The following GALNT2 variants were observed in gnomAD, a reference collection of about 807,000 sequenced individuals.
The protein encoded by GALNT2 is UDP-GalNAc:polypeptide N-acetylgalactosaminyltransferase 2.
Under a neutral mutation model 81.4 loss-of-function variants are expected in GALNT2, and 31 were observed. The ratio of observed to expected loss-of-function variants is 0.38; its 90% CI spans 0.29 to 0.51. GALNT2 has a LOEUF of 0.51. Ranked by LOEUF, GALNT2 falls within the 20% of genes least tolerant of loss-of-function variation. GALNT2 has a pLI of 0.87. For synonymous variants in GALNT2, 303 were observed against 287.4 expected (o/e 1.05, Z -0.55); for missense variants, 629 against 765.7 (o/e 0.82, Z 2.11).
At chr1:230,088,936 C>T (rs1659977294) in intron 1 of GALNT2, among the ~76,000 whole-genome samples, 1 of 152,144 alleles carries the variant, frequency 6.6e-6, no homozygotes, top group Non-Finnish European at 1.5e-5. Context: ...CTGGCAACCA[C>T]TAGTGTACTT....
intron 1 of GALNT2, among the ~76,000 whole-genome samples, chr1:230,096,159 G>A (rs926426299): frequency 6.6e-6 from 1 of 152,126 alleles, no homozygotes; most frequent in African/African-American, 2.4e-5. Context: ...TTGAGAGGAC[G>A]CATACCTCAG....
intron 1 of GALNT2, among the ~76,000 whole-genome samples, chr1:230,148,922 G>A (rs1173792863): frequency 2.0e-5 from 3 of 150,362 alleles, no homozygotes; most frequent in Admixed American, 1.3e-4. Flanking sequence ...ACAGGGCCTC[G>A]CCCTGTCACC....
rs1286017829 is a variant in GALNT2 at position 230,271,835 on chromosome 1, C to T, written c.1441-2610C>T. Among the ~76,000 whole-genome samples the T allele has an allele frequency of 5.9e-5, 9 of 152,200 alleles. No individual in the cohort carries two copies. Among genetic ancestry groups the T allele is most frequent in the Non-Finnish European group, 8.8e-5 (6 of 68,020 alleles). ...ACATCCCGGAGTGCAAGGACTTTGA[C>T]GGAGGCCTCATCACATGGGCATGAT... On this transcript the variant is annotated intron_variant, in intron 14 of 15. Coordinates refer to ENST00000366672, the MANE Select transcript of GALNT2 (RefSeq NM_004481.5). The surrounding 1 kb of genome is among the most constrained non-coding windows in gnomAD (Gnocchi z 4.2).
In GALNT2 at chr1:230,279,422, G is replaced by C. The variant is rs748324953; in HGVS notation, c.1680G>C (p.Ser560=). The change falls in exon 16 of 16, where the codon TCG becomes TCC. Residue 560 remains serine, a synonymous_variant. Transcript: ENST00000366672. The surrounding 1 kb of genome is among the most constrained non-coding windows in gnomAD (Gnocchi z 4.6). ...LSVEVCGPAL[S]QQWKFTLNLQ... ...TGGAGGTGTGTGGCCCGGCCCTTTC[G>C]CAGCAGTGGAAGTTCACGCTCAACC... 17 of 1,613,972 alleles carry C rather than the reference G, an allele frequency of 1.1e-5. No homozygotes were observed. The Admixed American group carries it at 2.5e-4, about 24-fold the overall frequency.
At chr1:230,226,240 T>C (rs771013364) in intron 3 of GALNT2, among the ~76,000 whole-genome samples, 18 of 152,104 alleles carry the variant, frequency 1.2e-4, no homozygotes, top group Non-Finnish European at 2.2e-4. Context: ...CCCTTTTCTT[T>C]CCCTTGAAAT....
intron 13 of GALNT2, 89 bp downstream of exon 13, chr1:230,263,094 G>C: frequency 9.0e-7 from 1 of 1,108,512 alleles, no homozygotes; most frequent in South Asian, 1.3e-5. Context: ...TGGAGGTGGG[G>C]CTGCAGGCAT....
chr1:230,135,149 G>A (rs1369736880), intron 1 of GALNT2, among the ~76,000 whole-genome samples: 4 of 151,940 alleles, frequency 2.6e-5, no homozygotes, highest in Non-Finnish European at 4.4e-5. Context: ...CAGAGATGTC[G>A]GAACAGGAAA....
chr1:230,232,674 G>A (rs1475135038), intron 3 of GALNT2, among the ~76,000 whole-genome samples: 1 of 152,202 alleles, frequency 6.6e-6, no homozygotes, highest in East Asian at 1.9e-4. Context: ...TATTTCATTA[G>A]CATTACAGAT....
At position 230,280,193 on chromosome 1, in the gene GALNT2, C is replaced by T. The variant is rs1223946186; in HGVS notation, c.*735C>T. The T allele has an allele frequency of 2.8e-6, 1 of 360,068 alleles. No homozygotes were observed. The highest frequency in any genetic ancestry group is 3.5e-5 in the Admixed American group (1 of 28,800). The allele number at this position is 360,068 out of a possible 1,614,324, so 22.3% of individuals were successfully genotyped here. On this transcript the variant is annotated 3_prime_UTR_variant, in exon 16 of 16. Coordinates refer to ENST00000366672, the MANE Select transcript of GALNT2 (RefSeq NM_004481.5). ...CCAGAGCCCGGTGGGGCCAGTTTCT[C>T]ACAGAGGGAGGAGGTGGCCTTTGTC... is the stretch of plus-strand genomic sequence containing the variant.
At chr1:230,262,797 G>A (rs1232621287) in intron 12 of GALNT2, 125 bp from the exon 13 acceptor site, 1 of 1,286,560 alleles carries the variant, frequency 7.8e-7, no homozygotes, top group Non-Finnish European at 1.1e-6. Flanking sequence ...GGGCACAGGA[G>A]CATGGGCAGT....
At chr1:230,274,850 A>G (rs1041777629) in intron 15 of GALNT2, among the ~76,000 whole-genome samples, 2 of 152,018 alleles carry the variant, frequency 1.3e-5, no homozygotes, top group Non-Finnish European at 2.9e-5. Flanking sequence ...TTCTATTTCA[A>G]TTTACAAAAA....
At chr1:230,137,924 T>C (rs1030078953) in intron 1 of GALNT2, among the ~76,000 whole-genome samples, 2 of 152,254 alleles carry the variant, frequency 1.3e-5, no homozygotes, top group Admixed American at 1.3e-4. Flanking sequence ...TATTATCGTT[T>C]CCTAGGTTCT....
At chr1:230,083,590 C>A (rs1008340084) in intron 1 of GALNT2, among the ~76,000 whole-genome samples, 1 of 152,096 alleles carries the variant, frequency 6.6e-6, no homozygotes, top group Non-Finnish European at 1.5e-5. Context: ...CACCTGCAGC[C>A]CCCTGATGCT....
chr1:230,081,435 C>G (rs549728377), intron 1 of GALNT2, among the ~76,000 whole-genome samples: 3 of 152,144 alleles, frequency 2.0e-5, no homozygotes, highest in South Asian at 4.2e-4. Context: ...TTTTAATACT[C>G]TTATTGGCAA....
At chr1:230,092,288 T>C (rs1277205740) in intron 1 of GALNT2, among the ~76,000 whole-genome samples, 1 of 150,296 alleles carries the variant, frequency 6.7e-6, no homozygotes, top group African/African-American at 2.4e-5. Flanking sequence ...CAGACTTGAG[T>C]TCTTTCCTGG....
chr1:230,059,803 A>G (rs910852645), intron 1 of GALNT2, among the ~76,000 whole-genome samples: 3 of 152,100 alleles, frequency 2.0e-5, no homozygotes, highest in African/African-American at 7.2e-5. Context: ...TTCTCTCTCT[A>G]TATTTTTCTT....
In GALNT2 at chr1:230,155,290, T is replaced by C. The variant is rs547573764; in HGVS notation, c.127-22928T>C. ...TGGCTCCTGCCCGCCCTGTTCTTCG[T>C]TGGCTGCCTAGGGCTCCCTGCAGGT... On this transcript the variant is annotated intron_variant, in intron 1 of 15. Coordinates refer to ENST00000366672, the MANE Select transcript of GALNT2 (RefSeq NM_004481.5). Among the ~76,000 whole-genome samples, 22 of 152,294 alleles carry C rather than the reference T, an allele frequency of 1.4e-4. No individual in the cohort carries two copies. In the South Asian group the frequency reaches 4.1e-3, roughly 29 times the overall value.
At chr1:230,206,436 A>G (rs1664059517) in intron 3 of GALNT2, among the ~76,000 whole-genome samples, 1 of 152,062 alleles carries the variant, frequency 6.6e-6, no homozygotes, top group Non-Finnish European at 1.5e-5. Context: ...TGCCTTCCAC[A>G]TTTGTTGGAT....
intron 1 of GALNT2, among the ~76,000 whole-genome samples, chr1:230,134,330 A>G (rs886736338): frequency 1.3e-5 from 2 of 152,068 alleles, no homozygotes; most frequent in Non-Finnish European, 2.9e-5. Flanking sequence ...GGTGGTCTCA[A>G]TCTCCTGACC....
Sources: gnomAD v4.1 joint callset for allele counts (sites outside exome capture counted in the v4.1 genomes callset) on GRCh38, gnomAD v4.1.1 for gene constraint, Gnocchi (gnomAD v3.1) non-coding constraint, MANE v1.5 for transcripts, NCBI Gene and HGNC (gene_info 2026-07-23, HGNC 2026-07-21) for gene names.